RPF2: variants seen among roughly 807,000 people sequenced by gnomAD.
The protein encoded by RPF2 is ribosome production factor 2 homolog, also known as brix domain containing 1.
A neutral mutation model predicts 38.9 loss-of-function variants in RPF2; 21 were observed. The observed-to-expected ratio is 0.54, with a 90% confidence interval of 0.38 to 0.78. The LOEUF (loss-of-function observed/expected upper bound fraction) is 0.78. Ranked by LOEUF, RPF2 falls within the 30% of genes least tolerant of loss-of-function variation. RPF2 has a pLI of 0.00. For missense variants in RPF2, 314 were observed against 358.1 expected, an observed-to-expected ratio of 0.88 and a Z score of 0.99; for synonymous variants, 121 against 126.2, an observed-to-expected ratio of 0.96 and a Z score of 0.28.
At chr6:111,023,212 T>C (rs1159080831) in intron 8 of RPF2, among the ~76,000 whole-genome samples, 1 of 152,136 alleles carries the variant, frequency 6.6e-6, no homozygotes, top group East Asian at 1.9e-4. Flanking sequence ...CCACCATCAC[T>C]TTATCCTGCC....
intron 7 of RPF2, among the ~76,000 whole-genome samples, chr6:111,008,717 G>T (rs751507677): frequency 2.0e-5 from 3 of 151,874 alleles, no homozygotes; most frequent in Non-Finnish European, 4.4e-5. Context: ...AATGTAGCTT[G>T]GCCTTCTTGA....
intron 2 of RPF2, among the ~76,000 whole-genome samples, chr6:110,987,514 A>G (rs113484728): frequency 1.1e-4 from 16 of 152,306 alleles, no homozygotes; most frequent in African/African-American, 3.8e-4. Flanking sequence ...AGTATCCATC[A>G]GCACAATGAC....
chr6:111,021,453 C>G (rs1363027666), intron 8 of RPF2, among the ~76,000 whole-genome samples: 1 of 152,138 alleles, frequency 6.6e-6, no homozygotes, highest in African/African-American at 2.4e-5. Context: ...TGTGGATCAG[C>G]TTAGCTTCCA....
At chr6:111,009,659 G>A (rs989130117) in intron 7 of RPF2, among the ~76,000 whole-genome samples, 7 of 152,086 alleles carry the variant, frequency 4.6e-5, no homozygotes, top group African/African-American at 1.4e-4. Context: ...ATGAATATAA[G>A]GACTACATCC....
intron 3 of RPF2, among the ~76,000 whole-genome samples, chr6:110,990,572 C>G (rs1336344854): frequency 0.035 from 3,871 of 109,672 alleles, 77 homozygotes; most frequent in Middle Eastern, 0.054. Context: ...CCCCCCCCCC[C>G]CACCTTTTCT....
intron 6 of RPF2, among the ~76,000 whole-genome samples, chr6:111,002,816 A>T (rs1243612615): frequency 6.6e-6 from 1 of 150,706 alleles, no homozygotes; most frequent in Non-Finnish European, 1.5e-5. Context: ...TCGCCTAGGC[A>T]GGAGTACAGT....
intron 5 of RPF2, among the ~76,000 whole-genome samples, chr6:110,999,145 G>C (rs535099180): frequency 6.6e-6 from 1 of 151,872 alleles, no homozygotes; most frequent in African/African-American, 2.4e-5. Context: ...TGGTCTCTTC[G>C]GGCTCTCAGC....
At chr6:110,982,435 C>T (rs1212994377) in intron 1 of RPF2, 3 of 431,398 alleles carry the variant, frequency 7.0e-6, no homozygotes, top group Non-Finnish European at 1.3e-5. Context: ...GGGTTAGGAG[C>T]ACAGCCCTCG....
At chr6:111,019,568 C>T (rs887265435) in intron 8 of RPF2, among the ~76,000 whole-genome samples, 2 of 152,118 alleles carry the variant, frequency 1.3e-5, no homozygotes, top group South Asian at 2.1e-4. Context: ...ATAACACCGT[C>T]GCTACTAAAA....
chr6:111,021,144 G>C (rs1187279255), intron 8 of RPF2, among the ~76,000 whole-genome samples: 1 of 151,986 alleles, frequency 6.6e-6, no homozygotes, highest in Non-Finnish European at 1.5e-5. Context: ...ACTCCGGCCT[G>C]GTGACAGAGC....
chr6:111,022,077 C>T (rs990427735), intron 8 of RPF2, among the ~76,000 whole-genome samples: 2 of 152,146 alleles, frequency 1.3e-5, no homozygotes, highest in Admixed American at 6.6e-5. Context: ...GGAGTCAGAG[C>T]CATTAATATG....
intron 2 of RPF2, among the ~76,000 whole-genome samples, chr6:110,988,803 A>T (rs1455809516): frequency 6.6e-6 from 1 of 152,178 alleles, no homozygotes; most frequent in African/African-American, 2.4e-5. Flanking sequence ...AGTTGGATAG[A>T]CTATTGACAG....
intron 2 of RPF2, among the ~76,000 whole-genome samples, chr6:110,985,436 C>T (rs773203553): frequency 2.0e-5 from 3 of 152,114 alleles, no homozygotes; most frequent in Non-Finnish European, 4.4e-5. Flanking sequence ...GGCTTACTTA[C>T]ATTTTAGGAA....
intron 8 of RPF2, among the ~76,000 whole-genome samples, chr6:111,017,376 C>T (rs1461349857): frequency 4.2e-4 from 61 of 145,204 alleles, no homozygotes; most frequent in South Asian, 2.1e-3. Flanking sequence ...CCCTCCTGGA[C>T]GGGGCGGCTG....
At position 111,012,162 on chromosome 6, in the gene RPF2, A is replaced by ATTTTTTTT. The variant is rs570516659; in HGVS notation, c.494-3584_494-3577dup. 2.0e-4 allele frequency among the ~76,000 whole-genome samples: 23 copies of ATTTTTTTT among 115,658 alleles called. 1 individual carries two copies. The highest frequency in any genetic ancestry group is 8.8e-4 in the East Asian group (3 of 3,394). 75.9% of individuals were successfully genotyped at this position (115,658 alleles called of 152,430 possible). On this transcript the variant is annotated intron_variant, in intron 7 of 9. Transcript: ENST00000441448. The stretch of plus-strand genomic sequence containing the variant: ...TGTTCATTCTTAATTTGTTTACATC[A>ATTTTTTTT]TTTTTTTTTTTTTTTCTTTTTTTGA...
intron 7 of RPF2, among the ~76,000 whole-genome samples, chr6:111,013,985 A>G (rs922071103): frequency 1.2e-4 from 19 of 152,036 alleles, no homozygotes; most frequent in African/African-American, 4.6e-4. Flanking sequence ...TAATATATGT[A>G]TAAATATATG....
intron 8 of RPF2, among the ~76,000 whole-genome samples, chr6:111,016,683 C>CTTTTTTTTTTTTTTTTTTTTTATT (rs1397812113): frequency 9.4e-6 from 1 of 105,940 alleles, no homozygotes; most frequent in Non-Finnish European, 1.8e-5. Context: ...TTTTTTTTTT[C>CTTTTTTTTTTTTTTTTTTTTTATT]TTTCTTTTTT....
intron 7 of RPF2, 39 bp downstream of exon 7, chr6:111,008,176 G>A: frequency 6.4e-7 from 1 of 1,561,602 alleles, no homozygotes; most frequent in Non-Finnish European, 8.6e-7. Context: ...GGGTAGCTCA[G>A]GAAGACAGTC....
At chr6:111,021,282 ATG>A (rs1463585991) in intron 8 of RPF2, among the ~76,000 whole-genome samples, 7 of 152,230 alleles carry the variant, frequency 4.6e-5, no homozygotes, top group Non-Finnish European at 7.3e-5. Context: ...ATCTTTCATA[ATG>A]AAAAAAAGTT....
Sources: gnomAD v4.1 joint callset for allele counts (sites outside exome capture counted in the v4.1 genomes callset) on GRCh38, gnomAD v4.1.1 for gene constraint, MANE v1.5 for transcripts, NCBI Gene and HGNC (gene_info 2026-07-23, HGNC 2026-07-21) for gene names.